The following GABRA5 variants were observed in gnomAD, a reference collection of about 807,000 sequenced individuals.
GABRA5 encodes the protein gamma-aminobutyric acid type A receptor subunit alpha5, also known as gamma-aminobutyric acid receptor subunit alpha-5.
A neutral mutation model predicts 47.3 loss-of-function variants in GABRA5; 18 were observed. The ratio of observed to expected loss-of-function variants is 0.38; its 90% CI spans 0.26 to 0.56. The LOEUF (loss-of-function observed/expected upper bound fraction) is 0.56, where lower values mean the gene tolerates loss of function less well. GABRA5 is among the 20% of genes least tolerant of loss of function. The pLI, the probability that GABRA5 is intolerant of heterozygous loss-of-function variation, is 0.71. For synonymous variants in GABRA5, 237 were observed against 229.3 expected (o/e 1.03, Z -0.30); for missense variants, 365 against 599.3 (o/e 0.61, Z 4.08).
chr15:26,909,926 A>G (rs4073083), intron 6 of GABRA5, among the ~76,000 whole-genome samples: 136,886 of 152,260 alleles, frequency 0.9, 61,687 homozygotes, highest in Middle Eastern at 0.94. Context: ...CCACAAGAAT[A>G]AGGAAGGCTT....
intron 7 of GABRA5, among the ~76,000 whole-genome samples, chr15:26,918,923 G>C (rs1041639765): frequency 2.0e-5 from 3 of 152,054 alleles, no homozygotes; most frequent in Non-Finnish European, 2.9e-5. Context: ...TGGATTGCTT[G>C]AGCCCAGGAG....
chr15:26,885,183 C>A (rs1158133359), intron 6 of GABRA5, among the ~76,000 whole-genome samples: 1 of 151,828 alleles, frequency 6.6e-6, no homozygotes, highest in Admixed American at 6.6e-5. Flanking sequence ...CCTGCAGTCC[C>A]AGCTACTTGG....
At chr15:26,919,965 T>G (rs1293930668) in intron 7 of GABRA5, among the ~76,000 whole-genome samples, 1 of 149,538 alleles carries the variant, frequency 6.7e-6, no homozygotes, top group African/African-American at 2.5e-5. Flanking sequence ...TAAAAAAAAA[T>G]CCATTCATAA....
intron 7 of GABRA5, among the ~76,000 whole-genome samples, chr15:26,918,267 T>G (rs2140297575): frequency 6.6e-6 from 1 of 152,290 alleles, no homozygotes; most frequent in Middle Eastern, 3.4e-3. Flanking sequence ...GCCCATTGGT[T>G]GTACAAATGT....
intron 10 of GABRA5, among the ~76,000 whole-genome samples, chr15:26,944,855 T>C (rs1349838599): frequency 6.6e-6 from 1 of 152,102 alleles, no homozygotes; most frequent in Non-Finnish European, 1.5e-5. Flanking sequence ...TCCCTGGCAG[T>C]CACTGAGGTT....
chr15:26,929,394 G>C lies in GABRA5; in HGVS notation c.581-7791G>C, dbSNP rs140151932. Among the ~76,000 whole-genome samples, 980 of 152,254 alleles carry C rather than the reference G, an allele frequency of 6.4e-3. 12 individuals are homozygous for C. Among genetic ancestry groups the C allele is most frequent in the African/African-American group, 0.022 (909 of 41,554 alleles). On this transcript the variant is annotated intron_variant, in intron 7 of 10. Coordinates refer to ENST00000335625, the MANE Select transcript of GABRA5 (RefSeq NM_000810.4). ...TAAAGCTTCAGATTAGCCCTCCTTGGCCCACGCTTTGCCCTGCAGACCCAT... is the reference window on the plus strand; with the variant it reads ...TAAAGCTTCAGATTAGCCCTCCTTGCCCCACGCTTTGCCCTGCAGACCCAT...
rs373805447 is a variant in GABRA5, at chr15:26,927,043, G to A, written c.581-10142G>A. On this transcript the variant is annotated intron_variant, in intron 7 of 10. Coordinates refer to ENST00000335625, the MANE Select transcript of GABRA5 (RefSeq NM_000810.4). ...TATAAGAAGTAAAACCAATAGAAGT[G>A]CTCCTTGAACTCAGTAGGAATTTTG... Among the ~76,000 whole-genome samples, 36 of 151,994 alleles carry A rather than the reference G, an allele frequency of 2.4e-4. 1 individual carries two copies. The highest frequency in any genetic ancestry group is 8.4e-4 in the African/African-American group (35 of 41,482).
intron 7 of GABRA5, among the ~76,000 whole-genome samples, chr15:26,929,562 A>C (rs1894042548): frequency 6.6e-6 from 1 of 152,174 alleles, no homozygotes; most frequent in Non-Finnish European, 1.5e-5. Context: ...GCTCTCTGGG[A>C]CTGGGGTCCT....
At chr15:26,888,642 C>T (rs1056405063) in intron 6 of GABRA5, among the ~76,000 whole-genome samples, 3 of 152,188 alleles carry the variant, frequency 2.0e-5, no homozygotes, top group African/African-American at 7.2e-5. Context: ...AGGGTGGCCA[C>T]CTGTTTCAGA....
chr15:26,911,994 G>T (rs1893606877), intron 6 of GABRA5, among the ~76,000 whole-genome samples: 1 of 152,200 alleles, frequency 6.6e-6, no homozygotes, highest in Admixed American at 6.5e-5. Context: ...CAGGGCTGCT[G>T]GTTGAGGTCT....
intron 7 of GABRA5, among the ~76,000 whole-genome samples, chr15:26,921,307 A>G (rs1461907925): frequency 6.6e-6 from 1 of 152,170 alleles, no homozygotes; most frequent in Non-Finnish European, 1.5e-5. Flanking sequence ...ATTTAAGACT[A>G]TTTGAATTAT....
intron 3 of GABRA5, chr15:26,877,696 A>G: frequency 2.2e-6 from 1 of 455,340 alleles, no homozygotes. Flanking sequence ...GTACTCTTTC[A>G]AGTACCAAAT....
intron 7 of GABRA5, among the ~76,000 whole-genome samples, chr15:26,920,923 A>G (rs1369291109): frequency 6.6e-6 from 1 of 152,180 alleles, no homozygotes; most frequent in Non-Finnish European, 1.5e-5. Context: ...CGTTTTCTGC[A>G]TTAGTTGATA....
At chr15:26,893,165 G>T (rs1566870168) in intron 6 of GABRA5, among the ~76,000 whole-genome samples, 4 of 122,890 alleles carry the variant, frequency 3.3e-5, no homozygotes. Context: ...CGTGTGTGGG[G>T]TGTGTATGTG....
chr15:26,921,249 T>C (rs1893836330), intron 7 of GABRA5, among the ~76,000 whole-genome samples: 1 of 152,178 alleles, frequency 6.6e-6, no homozygotes, highest in African/African-American at 2.4e-5. Context: ...CCACCAGGGC[T>C]TGAAGGTAAC....
chr15:26,916,293 T>C (rs917100074), intron 7 of GABRA5, among the ~76,000 whole-genome samples: 2 of 152,184 alleles, frequency 1.3e-5, no homozygotes, highest in African/African-American at 4.8e-5. Context: ...TTATTTTCCT[T>C]TCCTCTTTAA....
intron 7 of GABRA5, among the ~76,000 whole-genome samples, chr15:26,934,852 G>A (rs925734465): frequency 6.6e-6 from 1 of 152,222 alleles, no homozygotes; most frequent in Non-Finnish European, 1.5e-5. Context: ...GGCTAGGAGA[G>A]GACAGGCAGG....
At chr15:26,879,805 C>A (rs1225174746) in intron 3 of GABRA5, among the ~76,000 whole-genome samples, 1 of 152,142 alleles carries the variant, frequency 6.6e-6, no homozygotes, top group East Asian at 1.9e-4. Flanking sequence ...ACAGCTAGGG[C>A]CCCACAGCTG....
intron 10 of GABRA5, 39 bp from the exon 11 acceptor site, chr15:26,947,895 G>A (rs1021391189): frequency 2.0e-5 from 30 of 1,526,946 alleles, no homozygotes; most frequent in Non-Finnish European, 2.6e-5. Context: ...ACCATTGCCT[G>A]CAAATGGCGT....
Sources: gnomAD v4.1 joint callset for allele counts (sites outside exome capture counted in the v4.1 genomes callset) on GRCh38, gnomAD v4.1.1 for gene constraint, MANE v1.5 for transcripts, NCBI Gene and HGNC (gene_info 2026-07-23, HGNC 2026-07-21) for gene names.